Variants in ZC3H15 observed in about 807,000 individuals in gnomAD.
ZC3H15 encodes zinc finger CCCH domain-containing protein 15.
In ZC3H15, 15 loss-of-function variants were observed where a neutral mutation model predicts 51.2. The ratio of observed to expected loss-of-function variants is 0.29; its 90% confidence interval spans 0.20 to 0.45. The LOEUF (loss-of-function observed/expected upper bound fraction) is 0.45, where lower values mean the gene tolerates loss of function less well. ZC3H15 is among the 20% of genes least tolerant of loss of function. ZC3H15 has a pLI of 1.00. For missense variants in ZC3H15, 381 were observed against 494.7 expected (o/e 0.77, Z 2.18); for synonymous variants, 144 against 162.8 (o/e 0.88, Z 0.88).
At chr2:186,498,241 C>T (rs1041534744) in intron 2 of ZC3H15, among the ~76,000 whole-genome samples, 17 of 152,162 alleles carry the variant, frequency 1.1e-4, no homozygotes, top group Admixed American at 1.3e-4. Flanking sequence ...TGGAATGAAA[C>T]GGGGTGGGAA....
Position 186,493,640 on chromosome 2 carries a change from C to A in ZC3H15, c.76-1593C>A, listed in dbSNP as rs2197139. Among the ~76,000 whole-genome samples the A allele has an allele frequency of 4.2e-3, 630 of 151,786 alleles. 5 individuals carry two copies. The highest frequency in any genetic ancestry group is 5.0e-3 in the Non-Finnish European group (337 of 67,912). On this transcript the variant is annotated intron_variant, in intron 1 of 9. Transcript: ENST00000337859. ...TTAAAACAACAGAAATTTATTCTCTCAGAGATCTGGAGGCTAGAAGTCTGA... is the reference window on the plus strand; with the variant it reads ...TTAAAACAACAGAAATTTATTCTCTAAGAGATCTGGAGGCTAGAAGTCTGA...
intron 1 of ZC3H15, among the ~76,000 whole-genome samples, chr2:186,493,276 G>A (rs1401198499): frequency 1.3e-5 from 2 of 152,124 alleles, no homozygotes; most frequent in African/African-American, 4.8e-5. Context: ...GGGTCTTCTT[G>A]GAGGTGGGAG....
At position 186,506,813 on chromosome 2, in the gene ZC3H15, G is replaced by T. The variant is rs537927665; in HGVS notation, c.1067G>T (p.Ser356Ile). The change falls in exon 9 of 10, where the codon AGC (serine) becomes ATC (isoleucine). Residue 356 changes from serine to isoleucine, a missense_variant. By Grantham distance (142) the Ser-to-Ile change is moderately radical (BLOSUM62 -2). Coordinates refer to ENST00000337859, the MANE Select transcript of ZC3H15 (RefSeq NM_018471.3). ...ACTGTAGCCAGTCTTGAAAGATTCA[G>T]CACATATACTTCAGATAAAGATGGT... The part of the protein sequence containing the change: ...GITVASLERF[S>I]TYTSDKDENK... The T allele has an allele frequency of 3.7e-6, 6 of 1,612,644 alleles. No individual in the cohort carries two copies. In the South Asian group the frequency reaches 6.6e-5, roughly 18 times the overall value.
intron 8 of ZC3H15, 27 bp downstream of exon 8, chr2:186,505,868 CCTT>C: frequency 6.2e-7 from 1 of 1,604,652 alleles, no homozygotes; most frequent in East Asian, 2.2e-5. Flanking sequence ...TGCCTCATCT[CCTT>C]ATGTTAATTG....
chr2:186,486,490 G>C (rs1281729445), intron 1 of ZC3H15, 33 bp downstream of exon 1: 1 of 1,516,458 alleles, frequency 6.6e-7, no homozygotes, highest in East Asian at 2.5e-5. Flanking sequence ...CTCACGCCGC[G>C]AGCCCTCCGG....
chr2:186,506,859 A>G (rs371799558), intron 9 of ZC3H15, 23 bp downstream of exon 9: 11 of 1,602,474 alleles, frequency 6.9e-6, no homozygotes, highest in Non-Finnish European at 9.4e-6. Flanking sequence ...ACTTTTGCCT[A>G]ATTTTAAGAA....
At chr2:186,503,009 A>G (rs964760335) in intron 5 of ZC3H15, among the ~76,000 whole-genome samples, 2 of 152,182 alleles carry the variant, frequency 1.3e-5, no homozygotes, top group Admixed American at 6.5e-5. Flanking sequence ...ATGAATTCCA[A>G]AATGAATTTT....
chr2:186,499,427 T>G (rs1217602751), intron 2 of ZC3H15, among the ~76,000 whole-genome samples: 1 of 152,240 alleles, frequency 6.6e-6, no homozygotes, highest in East Asian at 1.9e-4. Context: ...TTTCTTTTCT[T>G]GCCCATCAAG....
rs1164356929 is a variant in ZC3H15, at chr2:186,508,949, A to T, written c.*216A>T. The T allele has an allele frequency of 1.6e-5, 10 of 639,806 alleles. No homozygotes were observed. Among genetic ancestry groups the T allele is most frequent in the African/African-American group, 7.2e-5 (4 of 55,386 alleles). The allele number at this position is 639,806 out of a possible 1,614,324, so 39.6% of individuals were successfully genotyped here. A position where few individuals can be genotyped will look rare whatever the true frequency, so the allele number is the denominator to read the frequency against. On this transcript the variant is annotated 3_prime_UTR_variant, in exon 10 of 10. Transcript: ENST00000337859. ...TCAGAGTAGTTCATGATAAATTGAA[A>T]ATATAATGGTCATTGCAGAAAATGA...
intron 2 of ZC3H15, among the ~76,000 whole-genome samples, chr2:186,495,808 A>C (rs767238660): frequency 6.6e-6 from 1 of 152,264 alleles, no homozygotes; most frequent in Non-Finnish European, 1.5e-5. Context: ...TTTGTAGTAC[A>C]TGAGCAATAG....
chr2:186,487,431 A>G (rs552241311), intron 1 of ZC3H15: 1 of 152,334 alleles, frequency 6.6e-6, no homozygotes, highest in African/African-American at 2.4e-5. Context: ...CTTTGGATAT[A>G]ATTAGAAAAA....
chr2:186,489,727 G>A (rs980937396), intron 1 of ZC3H15, among the ~76,000 whole-genome samples: 1 of 152,124 alleles, frequency 6.6e-6, no homozygotes, highest in Non-Finnish European at 1.5e-5. Flanking sequence ...TGCAGGTTTT[G>A]GGAACTCTAA....
chr2:186,486,498 CG>C, intron 1 of ZC3H15, 41 bp downstream of exon 1: 1 of 1,510,974 alleles, frequency 6.6e-7, no homozygotes, highest in Non-Finnish European at 8.9e-7. Flanking sequence ...GCGAGCCCTC[CG>C]GAAAGCCACT....
At position 186,486,342 on chromosome 2, in the gene ZC3H15, T is replaced by G; in HGVS notation, c.-41T>G. 6.6e-7 allele frequency: 1 copy of G among 1,517,366 alleles called. No individual in the cohort carries two copies. The highest frequency in any genetic ancestry group is 8.9e-7 in the Non-Finnish European group (1 of 1,127,410). 94.0% of individuals were successfully genotyped at this position (1,517,366 alleles called of 1,614,324 possible). On this transcript the variant is annotated 5_prime_UTR_variant, in exon 1 of 10. In the 5' UTR this introduces an upstream ATG that the reference lacks. Coordinates refer to ENST00000337859, the MANE Select transcript of ZC3H15 (RefSeq NM_018471.3). The stretch of plus-strand genomic sequence containing the variant: ...GCAGGGCCAGAACCCCTGACGGTAT[T>G]CAGCTGCGCGTAAGTCTGGCCGGTG...
At chr2:186,502,399 C>A in intron 4 of ZC3H15, 97 bp from the exon 5 acceptor site, 1 of 1,000,880 alleles carries the variant, frequency 1.0e-6, no homozygotes, top group Non-Finnish European at 1.4e-6. Context: ...ATGTGTTAAG[C>A]CATGAGTCTT....
intron 1 of ZC3H15, among the ~76,000 whole-genome samples, chr2:186,493,300 G>A (rs561093780): frequency 2.0e-5 from 3 of 152,096 alleles, no homozygotes; most frequent in African/African-American, 4.8e-5. Context: ...GCAGAGAACA[G>A]GCCTCTCTGC....
intron 1 of ZC3H15, among the ~76,000 whole-genome samples, chr2:186,488,064 A>G (rs1163073853): frequency 6.6e-6 from 1 of 152,182 alleles, no homozygotes; most frequent in Non-Finnish European, 1.5e-5. Context: ...AGAAAAATGC[A>G]AAATAAGACA....
chr2:186,502,590 A>C lies in ZC3H15; in HGVS notation c.534+3A>C. The C allele has an allele frequency of 6.2e-7, 1 of 1,606,816 alleles. No individual in the cohort carries two copies. Among genetic ancestry groups the C allele is most frequent in the Non-Finnish European group, 8.5e-7 (1 of 1,175,612 alleles). On this transcript the variant is annotated splice_donor_region_variant and intron_variant, in intron 5 of 9. Coordinates refer to ENST00000337859, the MANE Select transcript of ZC3H15 (RefSeq NM_018471.3). ...AGAAAAAACCAAAAACTCAAATAGT[A>C]TGTCCTTTTCTTGAATTGAGTTGCT...
In ZC3H15 at chr2:186,504,074, G is replaced by T; in HGVS notation, c.577G>T (p.Gly193Cys). ...FLEAIENNKY[G>C]WFWVCPGGGD... ...GGAAGCTATTGAAAACAACAAGTAT[G>T]GCTGGTTTTGGGTATGCCCTGGAGG... Residue 193 changes from glycine (G) to cysteine (C), a missense_variant, in exon 6 of 10, where the codon GGC becomes TGC. By Grantham distance (159) the Gly-to-Cys change is radical. Around this residue, in one of 3 missense-constraint regions of ZC3H15, gnomAD observed 41 missense variants for 86.5 expected, o/e 0.47. Coordinates refer to ENST00000337859, the MANE Select transcript of ZC3H15 (RefSeq NM_018471.3). 6.2e-7 allele frequency: 1 copy of T among 1,604,768 alleles called. No homozygotes were observed. Among genetic ancestry groups the T allele is most frequent in the Non-Finnish European group, 8.5e-7 (1 of 1,175,888 alleles).
Sources: gnomAD v4.1 joint callset for allele counts (sites outside exome capture counted in the v4.1 genomes callset) on GRCh38, gnomAD v4.1.1 for gene constraint, gnomAD v4.1.1 regional missense constraint, MANE v1.5 for transcripts, NCBI Gene and HGNC (gene_info 2026-07-23, HGNC 2026-07-21) for gene names.